TSC22D2: variants seen among roughly 807,000 people sequenced by gnomAD.
TSC22D2 encodes TSC22 domain family protein 2.
In TSC22D2, 5 loss-of-function variants were observed where a neutral mutation model predicts 50.1. The observed-to-expected ratio is 0.10, with a 90% CI of 0.05 to 0.21. TSC22D2 has a LOEUF of 0.21. Ranked by LOEUF, TSC22D2 falls within the 10% of genes least tolerant of loss-of-function variation. The probability of loss-of-function intolerance (pLI) is 1.00; values close to 1 mark genes in which losing one functional copy is unlikely to be tolerated. For synonymous variants in TSC22D2, 501 were observed against 450.1 expected (o/e 1.11, Z -1.43); for missense variants, 1,003 against 1,015.5 (o/e 0.99, Z 0.17).
intron 1 of TSC22D2, among the ~76,000 whole-genome samples, chr3:150,416,597 T>C (rs1719812291): frequency 6.6e-6 from 1 of 152,178 alleles, no homozygotes; most frequent in South Asian, 2.1e-4. Flanking sequence ...ACAGCAATTC[T>C]TGAACATATC....
intron 1 of TSC22D2, among the ~76,000 whole-genome samples, chr3:150,411,594 A>G (rs776801912): frequency 2.6e-5 from 4 of 152,218 alleles, no homozygotes; most frequent in Non-Finnish European, 5.9e-5. Flanking sequence ...TAATGGTGGT[A>G]GCTAGTGTGT....
rs779248627 is a variant in TSC22D2, at chr3:150,410,359, T to C, written c.1009T>C (p.Ser337Pro). Residue 337 changes from serine to proline, a missense_variant, in exon 1 of 3, where the codon TCC becomes CCC. Ser to Pro is a moderately conservative substitution (Grantham distance 74). Transcript: ENST00000688009. ...TNVTLAQPAM[S>P]LPPQPGPAVG... The stretch of plus-strand genomic sequence containing the variant: ...TGTAACCCTGGCGCAGCCGGCTATG[T>C]CCCTGCCTCCGCAGCCGGGCCCTGC... 1.2e-6 allele frequency: 2 copies of C among 1,600,290 alleles called. No homozygotes were observed. The highest frequency in any genetic ancestry group is 1.7e-6 in the Non-Finnish European group (2 of 1,173,898).
intron 1 of TSC22D2, among the ~76,000 whole-genome samples, chr3:150,432,637 A>G (rs1208374429): frequency 6.6e-6 from 1 of 151,878 alleles, no homozygotes; most frequent in African/African-American, 2.4e-5. Context: ...AAAGAAATTT[A>G]AGGAACCTGG....
chr3:150,433,150 T>A (rs1030130334), intron 1 of TSC22D2, among the ~76,000 whole-genome samples: 3 of 152,254 alleles, frequency 2.0e-5, no homozygotes, highest in Non-Finnish European at 2.9e-5. Flanking sequence ...ATAACATTTT[T>A]ATGCCAGTTT....
At chr3:150,448,876 G>GTATATATA (rs34210756) in intron 1 of TSC22D2, among the ~76,000 whole-genome samples, 22 of 146,874 alleles carry the variant, frequency 1.5e-4, no homozygotes, top group Non-Finnish European at 2.6e-4. Context: ...TTTTAATCTT[G>GTATATATA]TATATATATA....
At chr3:150,447,645 C>A (rs868043028) in intron 1 of TSC22D2, among the ~76,000 whole-genome samples, 16 of 152,128 alleles carry the variant, frequency 1.1e-4, no homozygotes, top group Admixed American at 3.3e-4. Context: ...CACCAGCCAA[C>A]TCCTAGTTGC....
chr3:150,424,790 A>T (rs1034971221), intron 1 of TSC22D2, among the ~76,000 whole-genome samples: 3 of 152,244 alleles, frequency 2.0e-5, no homozygotes, highest in African/African-American at 7.2e-5. Context: ...CCAAAATATA[A>T]TAAAATCAAA....
In TSC22D2 at chr3:150,462,257, C is replaced by A. The variant is rs529547863; in HGVS notation, c.*3621C>A. 24 of 152,196 alleles carry A rather than the reference C, an allele frequency of 1.6e-4. No individual in the cohort carries two copies. The highest frequency in any genetic ancestry group is 5.8e-4 in the African/African-American group (24 of 41,524). The allele number at this position is 152,196 out of a possible 1,614,324, so 9.4% of individuals were successfully genotyped here. ...TGGCTTAAAAGTATAAACAAGGCTC[C>A]TAGGGCAGCCACAGAATTGCATTGG... On this transcript the variant is annotated 3_prime_UTR_variant, in exon 3 of 3. Transcript: ENST00000688009.
intron 1 of TSC22D2, among the ~76,000 whole-genome samples, chr3:150,425,306 C>T (rs757560796): frequency 1.4e-4 from 21 of 152,220 alleles, no homozygotes; most frequent in Non-Finnish European, 2.2e-4. Context: ...AAGTGGATCA[C>T]CTGAGGTCAG....
rs767303796 is a variant in TSC22D2 at position 150,409,548 on chromosome 3, C to T, written c.198C>T (p.Ser66=). 1.6e-5 allele frequency: 25 copies of T among 1,605,018 alleles called. No individual in the cohort carries two copies. Among genetic ancestry groups the T allele is most frequent in the East Asian group, 2.2e-5 (1 of 44,538 alleles). Residue 66 remains serine (S), a synonymous_variant, in exon 1 of 3, where the codon AGC becomes AGT. Coordinates refer to ENST00000688009, the MANE Select transcript of TSC22D2 (RefSeq NM_001303264.2). The surrounding 1 kb of genome is among the most constrained non-coding windows in gnomAD (Gnocchi z 7.4). ...DYGPEEVCER[S]SSEETLNNVG... The stretch of plus-strand genomic sequence containing the variant: ...GCCCTGAGGAGGTCTGCGAGCGCAG[C>T]TCTTCCGAAGAGACGCTTAACAATG...
intron 1 of TSC22D2, among the ~76,000 whole-genome samples, chr3:150,416,407 T>C (rs556986980): frequency 5.7e-4 from 87 of 152,312 alleles, no homozygotes; most frequent in African/African-American, 1.9e-3. Context: ...GTAAGAAATA[T>C]TAATCATATT....
At position 150,461,377 on chromosome 3, in the gene TSC22D2, CTGAT is replaced by C. The variant is rs1464320588; in HGVS notation, c.*2745_*2748del. The C allele has an allele frequency of 6.6e-6, 1 of 152,274 alleles. No homozygotes were observed. Among genetic ancestry groups the C allele is most frequent in the African/African-American group, 2.4e-5 (1 of 41,558 alleles). 9.4% of individuals were successfully genotyped at this position (152,274 alleles called of 1,614,324 possible). On this transcript the variant is annotated 3_prime_UTR_variant, in exon 3 of 3. Coordinates refer to ENST00000688009, the MANE Select transcript of TSC22D2 (RefSeq NM_001303264.2). ...TGCTCCAAATAGTTGTAAATATTAA[CTGAT>C]TGAGATCCCAATTTGGAGGCACAGT...
chr3:150,420,241 G>T (rs1168849157), intron 1 of TSC22D2, among the ~76,000 whole-genome samples: 5 of 152,092 alleles, frequency 3.3e-5, no homozygotes, highest in African/African-American at 4.8e-5. Flanking sequence ...TCACAGACTT[G>T]ACTCCTTTAA....
In TSC22D2 at chr3:150,464,336, G is replaced by A. The variant is rs1395707765; in HGVS notation, c.*5700G>A. 2 of 152,038 alleles carry A rather than the reference G, an allele frequency of 1.3e-5. No individual in the cohort carries two copies. The highest frequency in any genetic ancestry group is 4.8e-5 in the African/African-American group (2 of 41,404). The allele number at this position is 152,038 out of a possible 1,614,324, so 9.4% of individuals were successfully genotyped here. ...ACACTTGAGATGGAAATAATAACAG[G>A]TCAGTGGCTAATAAAAAGAAACATG... is the stretch of plus-strand genomic sequence containing the variant. On this transcript the variant is annotated 3_prime_UTR_variant, in exon 3 of 3. Coordinates refer to ENST00000688009, the MANE Select transcript of TSC22D2 (RefSeq NM_001303264.2).
chr3:150,408,451 G>A lies in TSC22D2; in HGVS notation c.-900G>A, dbSNP rs1465566200. 3 of 152,476 alleles carry A rather than the reference G, an allele frequency of 2.0e-5. No homozygotes were observed. Among genetic ancestry groups the A allele is most frequent in the Middle Eastern group, 3.1e-3 (1 of 318 alleles). The allele number at this position is 152,476 out of a possible 1,614,324, so 9.4% of individuals were successfully genotyped here. A position where few individuals can be genotyped will look rare whatever the true frequency, so the allele number is the denominator to read the frequency against. On this transcript the variant is annotated 5_prime_UTR_variant, in exon 1 of 3. Coordinates refer to ENST00000688009, the MANE Select transcript of TSC22D2 (RefSeq NM_001303264.2). ...TCGGGGTTTAGGAATTGGGCGCACCGAGGAGGAGCCGGAGAAGCCACCACC... is the reference window on the plus strand; with the variant it reads ...TCGGGGTTTAGGAATTGGGCGCACCAAGGAGGAGCCGGAGAAGCCACCACC...
Position 150,409,285 on chromosome 3 carries a change from C to T in TSC22D2, c.-66C>T. 4 of 1,512,918 alleles carry T rather than the reference C, an allele frequency of 2.6e-6. No homozygotes were observed. The highest frequency in any genetic ancestry group is 3.6e-6 in the Non-Finnish European group (4 of 1,126,554). The allele number at this position is 1,512,918 out of a possible 1,614,324, so 93.7% of individuals were successfully genotyped here. On this transcript the variant is annotated 5_prime_UTR_variant, in exon 1 of 3. Transcript: ENST00000688009. This position sits in a 1 kb window ranked among gnomAD's most constrained non-coding sequence, Gnocchi z 7.4. ...TTGTCTTTGGGGGCCCGTGCTCTGC[C>T]CTCCCCGGTTTCCGACAGGACCCAG...
intron 1 of TSC22D2, among the ~76,000 whole-genome samples, chr3:150,437,645 C>CAA (rs572420309): frequency 7.5e-6 from 1 of 132,934 alleles, no homozygotes; most frequent in Non-Finnish European, 1.6e-5. Flanking sequence ...ACTAAAAATA[C>CAA]AAAAAAAAAA....
At chr3:150,416,534 A>G (rs1249016880) in intron 1 of TSC22D2, among the ~76,000 whole-genome samples, 1 of 152,148 alleles carries the variant, frequency 6.6e-6, no homozygotes, top group African/African-American at 2.4e-5. Flanking sequence ...ATGGTATTGT[A>G]TTGAGTCCAC....
At chr3:150,415,542 G>A (rs1476518973) in intron 1 of TSC22D2, among the ~76,000 whole-genome samples, 4 of 152,200 alleles carry the variant, frequency 2.6e-5, no homozygotes, top group Admixed American at 6.5e-5. Flanking sequence ...GGCCAGGAGC[G>A]GTAGCTCATG....
Sources: gnomAD v4.1 joint callset for allele counts (sites outside exome capture counted in the v4.1 genomes callset) on GRCh38, gnomAD v4.1.1 for gene constraint, Gnocchi (gnomAD v3.1) non-coding constraint, MANE v1.5 for transcripts, NCBI Gene and HGNC (gene_info 2026-07-23, HGNC 2026-07-21) for gene names.